PCDHGA9: variants seen among roughly 807,000 people sequenced by gnomAD.
PCDHGA9 encodes protocadherin gamma-A9.
PCDHGA9 carries 37 observed loss-of-function variants against 62.5 expected under a neutral mutation model. The ratio of observed to expected loss-of-function variants is 0.59; its 90% CI spans 0.46 to 0.78. The LOEUF is 0.78. Ranked by LOEUF, PCDHGA9 falls within the 30% of genes least tolerant of loss-of-function variation. PCDHGA9 has a pLI of 0.00. For synonymous variants in PCDHGA9, 459 were observed against 484.6 expected, an observed-to-expected ratio of 0.95 and a Z score of 0.69; for missense variants, 1,138 against 1,166.2, an observed-to-expected ratio of 0.98 and a Z score of 0.35.
chr5:141,418,586 A>C lies in PCDHGA9; in HGVS notation c.2424+13210A>C, dbSNP rs1422171892. ...TGCCAATGACAACCCCCCAGTGTTC[A>C]GCCAGGACGTGTACAGGGTTAGCCT... On this transcript the variant is annotated intron_variant, in intron 1 of 3. Transcript: ENST00000573521. The C allele has an allele frequency of 1.9e-6, 3 of 1,613,930 alleles. No individual in the cohort carries two copies. In the Admixed American group the frequency reaches 5.0e-5, roughly 27 times the overall value.
intron 1 of PCDHGA9, chr5:141,416,818 C>T (rs766541497): frequency 9.9e-5 from 15 of 151,960 alleles, no homozygotes; most frequent in Admixed American, 2.6e-4. Flanking sequence ...AAAAGCATTC[C>T]GAAGTTTCTC....
intron 1 of PCDHGA9, chr5:141,418,301 C>T: frequency 6.2e-7 from 1 of 1,613,980 alleles, no homozygotes; most frequent in South Asian, 1.1e-5. Context: ...ATCCGTCAGC[C>T]TGGGGATGGG....
At chr5:141,495,896 CTCTG>C (rs1175207502) in intron 2 of PCDHGA9, among the ~76,000 whole-genome samples, 2 of 152,108 alleles carry the variant, frequency 1.3e-5, no homozygotes, top group Non-Finnish European at 2.9e-5. Flanking sequence ...CTCTCTTTGT[CTCTG>C]TCTCTGTATA....
In PCDHGA9 at chr5:141,494,836, C is replaced by G. The variant is rs1016713543; in HGVS notation, c.2454C>G (p.Phe818Leu). ...CCCCGCCCAACACGGACTGGCGTTT[C>G]TCTCAGGCCCAGAGACCCGGCACCA... ...PQAPPNTDWR[F>L]SQAQRPGTSG... The change falls in exon 2 of 4, where the codon TTC (phenylalanine) becomes TTG (leucine). Residue 818 changes from phenylalanine (F) to leucine (L), a missense_variant. Phe to Leu is a conservative substitution (Grantham distance 22, BLOSUM62 0). Coordinates refer to ENST00000573521, the MANE Select transcript of PCDHGA9 (RefSeq NM_018921.3). 1.9e-6 allele frequency: 3 copies of G among 1,614,054 alleles called. No individual in the cohort carries two copies. The highest frequency in any genetic ancestry group is 2.7e-5 in the African/African-American group (2 of 74,932).
intron 2 of PCDHGA9, among the ~76,000 whole-genome samples, chr5:141,500,587 C>T (rs1418158417): frequency 6.6e-5 from 10 of 152,170 alleles, no homozygotes; most frequent in South Asian, 2.1e-4. Flanking sequence ...ACACTTTATT[C>T]ACATATTAAG....
intron 1 of PCDHGA9, among the ~76,000 whole-genome samples, chr5:141,461,886 C>T (rs944110458): frequency 3.3e-5 from 5 of 151,972 alleles, no homozygotes; most frequent in South Asian, 2.1e-4. Context: ...TGCAATGGCA[C>T]GATCTCGGCT....
At position 141,511,399 on chromosome 5, in the gene PCDHGA9, A is replaced by C; in HGVS notation, c.*226A>C. 1.0e-6 allele frequency: 1 copy of C among 987,714 alleles called. No homozygotes were observed. The highest frequency in any genetic ancestry group is 1.4e-6 in the Non-Finnish European group (1 of 693,342). The allele number at this position is 987,714 out of a possible 1,614,324, so 61.2% of individuals were successfully genotyped here. ...CAGTTCCGCTGGGAACCCCCATCCA[A>C]TCAACTGCTGTACCCATGGGGGTAG... On this transcript the variant is annotated 3_prime_UTR_variant, in exon 4 of 4. Transcript: ENST00000573521.
intron 1 of PCDHGA9, among the ~76,000 whole-genome samples, chr5:141,465,422 G>T (rs74711061): frequency 6.6e-6 from 1 of 152,142 alleles, no homozygotes; most frequent in Non-Finnish European, 1.5e-5. Context: ...AGCACTGAAA[G>T]GTGGGCACTT....
At chr5:141,464,443 T>G (rs903733972) in intron 1 of PCDHGA9, among the ~76,000 whole-genome samples, 1 of 151,634 alleles carries the variant, frequency 6.6e-6, no homozygotes, top group African/African-American at 2.4e-5. Context: ...ATGTTTGTTG[T>G]TGTTGTTGTT....
intron 1 of PCDHGA9, among the ~76,000 whole-genome samples, chr5:141,458,869 A>G (rs2154566384): frequency 6.6e-6 from 1 of 152,264 alleles, no homozygotes; most frequent in East Asian, 1.9e-4. Context: ...AGTAGCTGGG[A>G]CTACAGGCAT....
rs1348847945 is a variant in PCDHGA9, at chr5:141,493,426, C to G, written c.2425-1381C>G. ...TGCCTCTGCTGGGATTTTGCTTCTG[C>G]TGGGATGGGGCAAGGGTGGGGTTCC... On this transcript the variant is annotated intron_variant, in intron 1 of 3. Transcript: ENST00000573521. The surrounding 1 kb of genome is among the most constrained non-coding windows in gnomAD (Gnocchi z 4.3). Among the ~76,000 whole-genome samples, 2 of 152,144 alleles carry G rather than the reference C, an allele frequency of 1.3e-5. No homozygotes were observed. The highest frequency in any genetic ancestry group is 4.8e-5 in the African/African-American group (2 of 41,424).
At chr5:141,423,460 G>A in intron 1 of PCDHGA9, 1 of 1,614,046 alleles carries the variant, frequency 6.2e-7, no homozygotes, top group Non-Finnish European at 8.5e-7. Context: ...TGTAGGCGTG[G>A]ACGGGGTACA....
intron 1 of PCDHGA9, chr5:141,408,609 A>G (rs765291231): frequency 1.2e-5 from 19 of 1,613,970 alleles, no homozygotes; most frequent in Non-Finnish European, 3.4e-6. Flanking sequence ...TTTGATAAAA[A>G]GGAAATACAT....
At chr5:141,427,984 C>G (rs754620535) in intron 1 of PCDHGA9, 2 of 1,597,494 alleles carry the variant, frequency 1.3e-6, no homozygotes, top group South Asian at 2.2e-5. Flanking sequence ...GCGCTGGGGC[C>G]CGATGGCTCC....
At chr5:141,434,561 G>A (rs2097702856) in intron 1 of PCDHGA9, among the ~76,000 whole-genome samples, 1 of 152,188 alleles carries the variant, frequency 6.6e-6, no homozygotes, top group Non-Finnish European at 1.5e-5. Flanking sequence ...GTGCCTTAAG[G>A]ACATGCCCCT....
chr5:141,438,682 A>G (rs1282726848), intron 1 of PCDHGA9, among the ~76,000 whole-genome samples: 13 of 140,730 alleles, frequency 9.2e-5, no homozygotes, highest in Admixed American at 6.6e-4. Flanking sequence ...GGAGTAGGGG[A>G]TGGAGTCTTG....
chr5:141,443,166 C>T (rs914863821), intron 1 of PCDHGA9, among the ~76,000 whole-genome samples: 2 of 152,124 alleles, frequency 1.3e-5, no homozygotes, highest in African/African-American at 4.8e-5. Context: ...ATTTCCCTAC[C>T]CATGTCCACT....
intron 3 of PCDHGA9, among the ~76,000 whole-genome samples, chr5:141,509,015 C>T (rs1370464396): frequency 6.6e-6 from 1 of 152,098 alleles, no homozygotes; most frequent in East Asian, 1.9e-4. Flanking sequence ...AAGTGGGCAG[C>T]TGCTCCCTCC....
At position 141,421,347 on chromosome 5, in the gene PCDHGA9, C is replaced by T. The variant is rs147068995; in HGVS notation, c.2424+15971C>T. 359 of 1,613,948 alleles carry T rather than the reference C, an allele frequency of 2.2e-4. 2 individuals carry two copies. In the East Asian group the frequency reaches 6.5e-3, roughly 29 times the overall value. On this transcript the variant is annotated intron_variant, in intron 1 of 3. Coordinates refer to ENST00000573521, the MANE Select transcript of PCDHGA9 (RefSeq NM_018921.3). ...TCCGATATTCGGTGCCAGAAGAGAC[C>T]GAAAAGGGCTCCTTCGTGGGCAATA...
Sources: allele counts gnomAD v4.1 joint callset (sites outside exome capture counted in the v4.1 genomes callset), GRCh38; gene constraint gnomAD v4.1.1; non-coding constraint Gnocchi (gnomAD v3.1); transcripts MANE v1.5; gene names NCBI Gene and HGNC (gene_info 2026-07-23, HGNC 2026-07-21).